The following RBMS1 variants were observed in gnomAD, a reference collection of about 807,000 sequenced individuals.
RBMS1 encodes the protein RNA-binding motif, single-stranded-interacting protein 1.
Under a neutral mutation model 62.3 loss-of-function variants are expected in RBMS1, and 17 were observed. That is an observed-to-expected ratio of 0.27 (90% CI 0.19 to 0.41). RBMS1 has a LOEUF of 0.41. Ranked by LOEUF, RBMS1 falls within the 10% of genes least tolerant of loss-of-function variation. RBMS1 has a pLI of 1.00. For synonymous variants in RBMS1, 172 were observed against 170.0 expected (o/e 1.01, Z -0.09); for missense variants, 334 against 504.5 (o/e 0.66, Z 3.24).
At chr2:160,450,563 T>A (rs57747874) in intron 1 of RBMS1, among the ~76,000 whole-genome samples, 223 of 122,016 alleles carry the variant, frequency 1.8e-3, no homozygotes, top group Non-Finnish European at 2.3e-3. Context: ...AAATAAAAAA[T>A]GAAAAAAAAA....
chr2:160,285,124 G>T, intron 7 of RBMS1, 80 bp from the exon 8 acceptor site: 2 of 1,354,228 alleles, frequency 1.5e-6, no homozygotes, highest in Non-Finnish European at 2.1e-6. Flanking sequence ...AGGTGTGGTG[G>T]TGTGCACCTG....
intron 1 of RBMS1, among the ~76,000 whole-genome samples, chr2:160,491,202 A>G (rs560297440): frequency 2.6e-5 from 4 of 152,222 alleles, no homozygotes; most frequent in Non-Finnish European, 4.4e-5. Context: ...CTTCTGAGAT[A>G]ATCAAGATAC....
intron 2 of RBMS1, among the ~76,000 whole-genome samples, chr2:160,334,125 A>G (rs964071685): frequency 6.6e-6 from 1 of 152,150 alleles, no homozygotes; most frequent in African/African-American, 2.4e-5. Context: ...TTCACAGAGC[A>G]TTTATCTATA....
intron 2 of RBMS1, among the ~76,000 whole-genome samples, chr2:160,357,793 C>T (rs1318289252): frequency 6.6e-6 from 1 of 152,064 alleles, no homozygotes; most frequent in African/African-American, 2.4e-5. Context: ...AACTGCCACC[C>T]CCTAAGAAGA....
intron 2 of RBMS1, among the ~76,000 whole-genome samples, chr2:160,345,154 C>A (rs76696277): frequency 0.019 from 2,893 of 152,012 alleles, 52 homozygotes; most frequent in South Asian, 0.06. Context: ...ATTGTGAAAC[C>A]CACAATGCTA....
intron 1 of RBMS1, among the ~76,000 whole-genome samples, chr2:160,442,262 G>A (rs1235539228): frequency 6.6e-6 from 1 of 152,148 alleles, no homozygotes; most frequent in African/African-American, 2.4e-5. Flanking sequence ...TCTTCTTCCA[G>A]AAGATTTACA....
intron 1 of RBMS1, among the ~76,000 whole-genome samples, chr2:160,446,095 C>G (rs1683630157): frequency 1.3e-5 from 2 of 152,168 alleles, no homozygotes; most frequent in African/African-American, 4.8e-5. Flanking sequence ...AACCTTATAT[C>G]ATTATCATAA....
chr2:160,302,483 C>T (rs987177608), intron 5 of RBMS1: 3 of 152,214 alleles, frequency 2.0e-5, no homozygotes, highest in Non-Finnish European at 4.4e-5. Context: ...GTGTGAACCA[C>T]TGCATGCGGC....
chr2:160,451,649 G>A (rs1449911173), intron 1 of RBMS1, among the ~76,000 whole-genome samples: 2 of 151,892 alleles, frequency 1.3e-5, no homozygotes, highest in African/African-American at 4.8e-5. Flanking sequence ...TGCTCTGTCA[G>A]TCAGGCTGGA....
intron 1 of RBMS1, among the ~76,000 whole-genome samples, chr2:160,374,349 A>G (rs368626297): frequency 2.6e-5 from 4 of 152,204 alleles, no homozygotes; most frequent in African/African-American, 7.2e-5. Context: ...ACCAACAAGG[A>G]CATAGACTGG....
At chr2:160,376,002 GAT>G (rs1487509473) in intron 1 of RBMS1, among the ~76,000 whole-genome samples, 1 of 151,952 alleles carries the variant, frequency 6.6e-6, no homozygotes, top group African/African-American at 2.4e-5. Flanking sequence ...CACCCCAGTA[GAT>G]TTAGGATTCC....
intron 1 of RBMS1, among the ~76,000 whole-genome samples, chr2:160,443,733 A>G (rs1022246626): frequency 3.0e-4 from 45 of 152,244 alleles, no homozygotes; most frequent in African/African-American, 1.1e-3. Context: ...TCTTTTCTGC[A>G]TAAATTACCC....
chr2:160,368,377 T>C (rs553867051), intron 1 of RBMS1, among the ~76,000 whole-genome samples: 4 of 152,266 alleles, frequency 2.6e-5, no homozygotes, highest in South Asian at 2.1e-4. Context: ...CAAAATTAAA[T>C]AGTCACTAGA....
At chr2:160,407,317 G>A (rs1005198094) in intron 1 of RBMS1, 6 of 981,200 alleles carry the variant, frequency 6.1e-6, no homozygotes, top group Non-Finnish European at 7.3e-6. Flanking sequence ...TCAGGTCGCC[G>A]GCCGAGCAGT....
At chr2:160,305,652 G>A (rs1230513603) in intron 4 of RBMS1, among the ~76,000 whole-genome samples, 1 of 152,190 alleles carries the variant, frequency 6.6e-6, no homozygotes, top group African/African-American at 2.4e-5. Flanking sequence ...AGAAACTGCA[G>A]TTTGAAAGCT....
At chr2:160,468,298 C>T (rs546593215) in intron 1 of RBMS1, among the ~76,000 whole-genome samples, 30 of 152,128 alleles carry the variant, frequency 2.0e-4, no homozygotes, top group Non-Finnish European at 3.2e-4. Flanking sequence ...ATTGAAGGCA[C>T]GACCCCTGCT....
intron 1 of RBMS1, among the ~76,000 whole-genome samples, chr2:160,418,623 C>A (rs1250550660): frequency 1.3e-5 from 2 of 152,176 alleles, no homozygotes; most frequent in Non-Finnish European, 2.9e-5. Flanking sequence ...ATTTCCTCTT[C>A]TTCCATATGC....
intron 1 of RBMS1, among the ~76,000 whole-genome samples, chr2:160,430,504 A>G (rs991220028): frequency 2.2e-4 from 33 of 152,328 alleles, no homozygotes; most frequent in African/African-American, 7.7e-4. Context: ...TCTTAAGTAA[A>G]TGCTATATAT....
chr2:160,331,505 C>G (rs930484376), intron 2 of RBMS1, among the ~76,000 whole-genome samples: 2 of 152,094 alleles, frequency 1.3e-5, no homozygotes, highest in Admixed American at 6.6e-5. Context: ...AGGTGTGTGC[C>G]CTTGGACTGT....
Sources: gnomAD v4.1 joint callset for allele counts (sites outside exome capture counted in the v4.1 genomes callset) on GRCh38, gnomAD v4.1.1 for gene constraint, MANE v1.5 for transcripts, NCBI Gene and HGNC (gene_info 2026-07-23, HGNC 2026-07-21) for gene names.